Variants in PRKCA observed in about 807,000 individuals in gnomAD.
PRKCA encodes the protein protein kinase C alpha, also known as protein kinase C alpha type.
In PRKCA, 27 loss-of-function variants were observed where a neutral mutation model predicts 87.0. The ratio of observed to expected loss-of-function variants is 0.31; its 90% CI spans 0.23 to 0.43. The LOEUF (loss-of-function observed/expected upper bound fraction) is 0.43. Ranked by LOEUF, PRKCA falls within the 20% of genes least tolerant of loss-of-function variation. The pLI, the probability that PRKCA is intolerant of heterozygous loss-of-function variation, is 1.00. For synonymous variants in PRKCA, 329 were observed against 311.1 expected, an observed-to-expected ratio of 1.06 and a Z score of -0.61; for missense variants, 518 against 852.3, an observed-to-expected ratio of 0.61 and a Z score of 4.88.
In PRKCA at chr17:66,688,455, T is replaced by C; in HGVS notation, c.821+19T>C. The C allele has an allele frequency of 2.5e-6, 4 of 1,613,896 alleles. No individual in the cohort carries two copies. Among genetic ancestry groups the C allele is most frequent in the South Asian group, 2.2e-5 (2 of 91,054 alleles). ...GTGGATGGTATGGAAGCCGCTTAGG[T>C]TGAGTATGTCTCAAAGCATCAGACC... On this transcript the variant is annotated intron_variant, in intron 7 of 16. Coordinates refer to ENST00000413366, the MANE Select transcript of PRKCA (RefSeq NM_002737.3).
At chr17:66,344,447 G>A (rs976217410) in intron 2 of PRKCA, among the ~76,000 whole-genome samples, 9 of 152,146 alleles carry the variant, frequency 5.9e-5, no homozygotes, top group African/African-American at 2.2e-4. Context: ...CTTGAGCTCA[G>A]GAGCTTGAGA....
At chr17:66,654,774 G>C (rs899746035) in intron 5 of PRKCA, among the ~76,000 whole-genome samples, 1 of 152,182 alleles carries the variant, frequency 6.6e-6, no homozygotes, top group African/African-American at 2.4e-5. Flanking sequence ...CATTTTCCAG[G>C]GTTTCCATAA....
intron 2 of PRKCA, among the ~76,000 whole-genome samples, chr17:66,484,824 C>G (rs1286238254): frequency 1.3e-5 from 2 of 152,114 alleles, no homozygotes; most frequent in African/African-American, 4.8e-5. Context: ...TGCAGATATC[C>G]TGTTATTTCA....
intron 8 of PRKCA, among the ~76,000 whole-genome samples, chr17:66,716,276 A>T (rs1199374809): frequency 6.6e-6 from 1 of 152,168 alleles, no homozygotes; most frequent in Non-Finnish European, 1.5e-5. Context: ...CAGCCAACCC[A>T]TAAAGCCAGT....
intron 8 of PRKCA, among the ~76,000 whole-genome samples, chr17:66,692,535 CT>C (rs1972813075): frequency 6.6e-6 from 1 of 152,188 alleles, no homozygotes; most frequent in Non-Finnish European, 1.5e-5. Flanking sequence ...GGCAGAAAGG[CT>C]GGCATCCACA....
intron 3 of PRKCA, among the ~76,000 whole-genome samples, chr17:66,630,481 G>A (rs1360132017): frequency 6.6e-6 from 1 of 152,232 alleles, no homozygotes; most frequent in Non-Finnish European, 1.5e-5. Flanking sequence ...GCCAAAGGGA[G>A]TGAAGTTTAG....
chr17:66,430,135 G>A (rs1265431941), intron 2 of PRKCA, among the ~76,000 whole-genome samples: 1 of 152,056 alleles, frequency 6.6e-6, no homozygotes, highest in Non-Finnish European at 1.5e-5. Flanking sequence ...GCTCTGCTGG[G>A]AACTGGCCCT....
chr17:66,492,228 G>A (rs1916279011), intron 2 of PRKCA, among the ~76,000 whole-genome samples: 1 of 152,192 alleles, frequency 6.6e-6, no homozygotes, highest in Non-Finnish European at 1.5e-5. Context: ...GGAGGGGGTA[G>A]TTAAGGCAGG....
intron 2 of PRKCA, among the ~76,000 whole-genome samples, chr17:66,442,575 C>T (rs1894159690): frequency 6.6e-6 from 1 of 152,156 alleles, no homozygotes; most frequent in African/African-American, 2.4e-5. Context: ...CCTGTATCAT[C>T]AGCTGCCCTG....
chr17:66,746,154 C>CTTTTTTTT (rs56319847), intron 13 of PRKCA, among the ~76,000 whole-genome samples: 3 of 64,210 alleles, frequency 4.7e-5, no homozygotes, highest in African/African-American at 7.0e-5. Flanking sequence ...TGTTGCCTTG[C>CTTTTTTTT]TTTTTTTTTT....
chr17:66,735,611 G>A lies in PRKCA; in HGVS notation c.1179G>A (p.Leu393=), dbSNP rs1052380084. ...CTMVEKRVLA[L]LDKPPFLTQL... The stretch of plus-strand genomic sequence containing the variant: ...TGGTAGAAAAGCGAGTCTTGGCCCT[G>A]CTTGACAAACCCCCGTTCTTGACGC... Residue 393 remains leucine, a synonymous_variant, in exon 10 of 17, where the codon CTG becomes CTA. Transcript: ENST00000413366. 1 of 1,614,160 alleles carries A rather than the reference G, an allele frequency of 6.2e-7. No homozygotes were observed. Among genetic ancestry groups the A allele is most frequent in the East Asian group, 2.2e-5 (1 of 44,862 alleles).
At chr17:66,560,654 C>G (rs1968649999) in intron 3 of PRKCA, among the ~76,000 whole-genome samples, 1 of 152,176 alleles carries the variant, frequency 6.6e-6, no homozygotes, top group Admixed American at 6.5e-5. Context: ...ATGTACCAAA[C>G]ACTTTGTAAG....
intron 2 of PRKCA, among the ~76,000 whole-genome samples, chr17:66,470,531 G>C (rs1023971484): frequency 6.6e-6 from 1 of 151,958 alleles, no homozygotes; most frequent in African/African-American, 2.4e-5. Flanking sequence ...CCCGGCCCCA[G>C]TTTGCATTTT....
Position 66,738,756 on chromosome 17 carries a change from G to A in PRKCA, c.1231-8G>A, listed in dbSNP as rs1974094416. The A allele has an allele frequency of 6.2e-7, 1 of 1,613,148 alleles. No homozygotes were observed. The highest frequency in any genetic ancestry group is 8.5e-7 in the Non-Finnish European group (1 of 1,179,386). On this transcript the variant is annotated splice_polypyrimidine_tract_variant and splice_region_variant and intron_variant, in intron 10 of 16. Transcript: ENST00000413366. ...AGCCCTGCTCATGTGTTGAACCTTG[G>A]TCTGCAGGATCGGCTGTACTTCGTC...
chr17:66,430,922 C>G (rs1356229277), intron 2 of PRKCA, among the ~76,000 whole-genome samples: 1 of 152,150 alleles, frequency 6.6e-6, no homozygotes. Flanking sequence ...AGGAAAAGTC[C>G]CACTTACTGA....
chr17:66,684,069 A>G (rs577466406), intron 5 of PRKCA, among the ~76,000 whole-genome samples: 77 of 152,304 alleles, frequency 5.1e-4, no homozygotes, highest in African/African-American at 1.6e-3. Context: ...GACATTCTTG[A>G]AACCATACAG....
intron 13 of PRKCA, among the ~76,000 whole-genome samples, chr17:66,763,240 C>T (rs1004234443): frequency 2.0e-5 from 3 of 152,214 alleles, no homozygotes; most frequent in Admixed American, 6.5e-5. Flanking sequence ...GTGTCTGCCC[C>T]GTGCCTGAGG....
At chr17:66,534,107 A>G (rs528877701) in intron 3 of PRKCA, among the ~76,000 whole-genome samples, 5 of 125,648 alleles carry the variant, frequency 4.0e-5, no homozygotes, top group Admixed American at 9.5e-5. Context: ...GTTAGTTTTG[A>G]TTACATTCAC....
At chr17:66,329,547 G>A (rs978499841) in intron 2 of PRKCA, among the ~76,000 whole-genome samples, 1 of 152,182 alleles carries the variant, frequency 6.6e-6, no homozygotes, top group Non-Finnish European at 1.5e-5. Flanking sequence ...GTATAGTTTA[G>A]TCATCTACGG....
Sources: allele counts gnomAD v4.1 joint callset (sites outside exome capture counted in the v4.1 genomes callset), GRCh38; gene constraint gnomAD v4.1.1; transcripts MANE v1.5; gene names NCBI Gene and HGNC (gene_info 2026-07-23, HGNC 2026-07-21).